The following KIAA2012 variants were observed in gnomAD, a reference collection of about 807,000 sequenced individuals.
KIAA2012 encodes KIAA2012, also known as uncharacterized protein KIAA2012.
In KIAA2012, 125 loss-of-function variants were observed where a neutral mutation model predicts 150.6. The observed-to-expected ratio is 0.83, with a 90% CI of 0.72 to 0.96. The LOEUF is 0.96. Among genes scored for constraint, KIAA2012 ranks in the 40% least tolerant of loss-of-function variants. KIAA2012 has a pLI of 0.00. For missense variants in KIAA2012, 1,219 were observed against 1,354.9 expected (o/e 0.90, Z 1.57); for synonymous variants, 462 against 504.7 (o/e 0.92, Z 1.13).
chr2:202,149,025 C>A (rs1691364580), intron 13 of KIAA2012, among the ~76,000 whole-genome samples: 1 of 152,172 alleles, frequency 6.6e-6, no homozygotes, highest in Admixed American at 6.5e-5. Flanking sequence ...CCGGGAAGGC[C>A]AAACACGGGG....
intron 15 of KIAA2012, among the ~76,000 whole-genome samples, chr2:202,167,874 GGT>G (rs1691804405): frequency 6.6e-6 from 1 of 151,928 alleles, no homozygotes. Flanking sequence ...AATAATAATA[GGT>G]AGTGGGGAAG....
At chr2:202,137,054 GAGA>G (rs1166767992) in intron 12 of KIAA2012, 2 of 152,206 alleles carry the variant, frequency 1.3e-5, no homozygotes, top group African/African-American at 2.4e-5. Context: ...CATTTTCAAA[GAGA>G]AGAAGATAGC....
intron 11 of KIAA2012, among the ~76,000 whole-genome samples, chr2:202,119,272 AG>A (rs1177249858): frequency 9.9e-5 from 4 of 40,536 alleles, no homozygotes; most frequent in Non-Finnish European, 1.4e-4. Context: ...ACTCCGTCTC[AG>A]GAAAAAAAAA....
At chr2:202,194,387 CA>C in intron 21 of KIAA2012, 25 bp downstream of exon 21, 1 of 1,548,236 alleles carries the variant, frequency 6.5e-7, no homozygotes, top group Non-Finnish European at 8.7e-7. Flanking sequence ...GAGCTCTTTG[CA>C]TCTCTCTTCT....
intron 6 of KIAA2012, 104 bp from the exon 7 acceptor site, chr2:202,100,203 C>A: frequency 8.0e-7 from 1 of 1,254,692 alleles, no homozygotes; most frequent in Non-Finnish European, 1.1e-6. Context: ...CAGCACACTG[C>A]CTGCCTTTCT....
In KIAA2012 at chr2:202,127,198, A is replaced by C. The variant is rs541036974; in HGVS notation, c.1831+1916A>C. Among the ~76,000 whole-genome samples, 10 of 152,320 alleles carry C rather than the reference A, an allele frequency of 6.6e-5. No homozygotes were observed. In the East Asian group the frequency reaches 1.7e-3, roughly 26 times the overall value. ...AAGCCTGTTTACCGGCTAGCTCTGC[A>C]AACCAAAATATTCTTTCTAATAGCA... On this transcript the variant is annotated intron_variant, in intron 12 of 23. Transcript: ENST00000498697.
At chr2:202,128,893 A>G (rs1690859572) in intron 12 of KIAA2012, among the ~76,000 whole-genome samples, 2 of 152,096 alleles carry the variant, frequency 1.3e-5, no homozygotes, top group East Asian at 3.9e-4. Flanking sequence ...TTTGTGCTTA[A>G]TATTCCCCAT....
chr2:202,157,633 C>T (rs1691556337), intron 14 of KIAA2012, among the ~76,000 whole-genome samples: 1 of 152,140 alleles, frequency 6.6e-6, no homozygotes, highest in African/African-American at 2.4e-5. Flanking sequence ...TAGAATTACT[C>T]CATTTTACAG....
intron 11 of KIAA2012, among the ~76,000 whole-genome samples, chr2:202,117,991 C>T (rs1409557006): frequency 6.6e-6 from 1 of 151,096 alleles, no homozygotes; most frequent in Non-Finnish European, 1.5e-5. Context: ...CCTAACATGG[C>T]ATGTTTCTAA....
chr2:202,073,950 A>G (rs1689264772), intron 1 of KIAA2012, among the ~76,000 whole-genome samples: 1 of 151,402 alleles, frequency 6.6e-6, no homozygotes, highest in Non-Finnish European at 1.5e-5. Context: ...GCTTGGACCA[A>G]AGGAGATTCC....
intron 15 of KIAA2012, among the ~76,000 whole-genome samples, chr2:202,177,478 A>C (rs192507330): frequency 1.3e-3 from 200 of 152,338 alleles, no homozygotes; most frequent in African/African-American, 4.5e-3. Flanking sequence ...GCCCAAGATC[A>C]AGATGCAGGT....
At position 202,142,280 on chromosome 2, in the gene KIAA2012, C is replaced by T. The variant is rs183374004; in HGVS notation, c.1908+3772C>T. 3.9e-5 allele frequency among the ~76,000 whole-genome samples: 6 copies of T among 152,208 alleles called. No individual in the cohort carries two copies. The East Asian group carries it at 9.7e-4, about 24-fold the overall frequency. ...GGTGGAACACAGTCTTGGTTCAATC[C>T]CTTTGTAAAGCAAAATGGCAATATA... On this transcript the variant is annotated intron_variant, in intron 13 of 23. Transcript: ENST00000498697.
Position 202,193,392 on chromosome 2 carries a change from AGAG to A in KIAA2012, c.2904_2906del (p.Arg970del). 1 of 1,550,384 alleles carries A rather than the reference AGAG, an allele frequency of 6.5e-7. No individual in the cohort carries two copies. The highest frequency in any genetic ancestry group is 8.7e-7 in the Non-Finnish European group (1 of 1,146,846). On this transcript the variant is annotated inframe_deletion, in exon 20 of 24. Coordinates refer to ENST00000498697, the MANE Select transcript of KIAA2012 (RefSeq NM_001277372.4). ...ATGAGGTGGCTGGAGGTGGAGAAGA[AGAG>A]AAGGGAGCAGGAAGAGCAAAGGCAG...
chr2:202,204,071 TTTTTG>T (rs1164377667), intron 23 of KIAA2012, among the ~76,000 whole-genome samples: 7 of 65,360 alleles, frequency 1.1e-4, no homozygotes, highest in South Asian at 8.4e-4. Flanking sequence ...ACCCAGCGGT[TTTTTG>T]TTTTTTTTTT....
chr2:202,180,834 A>T (rs935522622), intron 15 of KIAA2012, among the ~76,000 whole-genome samples: 1 of 152,240 alleles, frequency 6.6e-6, no homozygotes, highest in Non-Finnish European at 1.5e-5. Context: ...GAAACAAAAC[A>T]AAATAAAAAT....
chr2:202,187,925 C>T (rs1692261697), intron 17 of KIAA2012, among the ~76,000 whole-genome samples: 1 of 152,086 alleles, frequency 6.6e-6, no homozygotes, highest in Non-Finnish European at 1.5e-5. Context: ...TTTTTTCTTC[C>T]TCTTTCCTCT....
intron 19 of KIAA2012, among the ~76,000 whole-genome samples, chr2:202,192,282 G>A (rs1692337195): frequency 6.6e-6 from 1 of 152,062 alleles, no homozygotes; most frequent in African/African-American, 2.4e-5. Flanking sequence ...TGCCTCTCAA[G>A]GTTCCCTTCA....
rs1689985930 is a variant in KIAA2012 at position 202,099,496 on chromosome 2, C to T, written c.829-117C>T. 5 of 785,764 alleles carry T rather than the reference C, an allele frequency of 6.4e-6. No homozygotes were observed. In the South Asian group the frequency reaches 9.4e-5, roughly 15 times the overall value. 48.7% of individuals were successfully genotyped at this position (785,764 alleles called of 1,614,324 possible). On this transcript the variant is annotated intron_variant, in intron 5 of 23. Transcript: ENST00000498697. The stretch of plus-strand genomic sequence containing the variant: ...TTATAACCTTATTTTTCTTCCCAAC[C>T]TGCAAAAGAAATTTCATCCTTGAAA...
In KIAA2012 at chr2:202,188,279, G is replaced by T. The variant is rs1692268120; in HGVS notation, c.2491+13G>T. 2 of 1,543,816 alleles carry T rather than the reference G, an allele frequency of 1.3e-6. No homozygotes were observed. Among genetic ancestry groups the T allele is most frequent in the Admixed American group, 2.0e-5 (1 of 49,772 alleles). The stretch of plus-strand genomic sequence containing the variant: ...GAGGCTGCCATTGGTAAGAGAGTGT[G>T]CCTGCAAGTAACAACCTGGAGAAGA... On this transcript the variant is annotated intron_variant, in intron 18 of 23. Transcript: ENST00000498697.
Sources: allele counts gnomAD v4.1 joint callset (sites outside exome capture counted in the v4.1 genomes callset), GRCh38; gene constraint gnomAD v4.1.1; transcripts MANE v1.5; gene names NCBI Gene and HGNC (gene_info 2026-07-23, HGNC 2026-07-21).